ROBO1: variants seen among roughly 807,000 people sequenced by gnomAD.
ROBO1 encodes roundabout guidance receptor 1, also known as roundabout homolog 1.
ROBO1 carries 149 observed loss-of-function variants against 195.9 expected under a neutral mutation model. That is an observed-to-expected ratio of 0.76 (90% CI 0.67 to 0.87). ROBO1 has a LOEUF of 0.87. Ranked by LOEUF, ROBO1 falls within the 40% of genes least tolerant of loss-of-function variation. The probability of loss-of-function intolerance (pLI) is 0.00; values close to 1 mark genes in which losing one functional copy is unlikely to be tolerated. For missense variants in ROBO1, 1,933 were observed against 2,068.3 expected (o/e 0.93, Z 1.27); for synonymous variants, 816 against 733.2 (o/e 1.11, Z -1.82).
chr3:79,514,219 A>C (rs1940846880), intron 2 of ROBO1, among the ~76,000 whole-genome samples: 2 of 152,178 alleles, frequency 1.3e-5, no homozygotes, highest in African/African-American at 4.8e-5. Flanking sequence ...TTTGTTTGGA[A>C]AGCCAGGGGA....
chr3:79,535,840 C>A (rs189713242), intron 2 of ROBO1, among the ~76,000 whole-genome samples: 2 of 152,026 alleles, frequency 1.3e-5, no homozygotes, highest in Admixed American at 6.6e-5. Context: ...CCTCTTCTCT[C>A]GATCCCATTC....
In ROBO1 at chr3:78,771,836, G is replaced by C. The variant is rs76785279; in HGVS notation, c.500-24936C>G. Among the ~76,000 whole-genome samples, 106 of 152,176 alleles carry C rather than the reference G, an allele frequency of 7.0e-4. No individual in the cohort carries two copies. In the East Asian group the frequency reaches 0.019, roughly 28 times the overall value. ...TATGAAATCATATCATCCGTGAAGA[G>C]AGATAGTTTGATGTTTTATTTTCCT... On this transcript the variant is annotated intron_variant, in intron 4 of 30. Coordinates refer to ENST00000464233, the MANE Select transcript of ROBO1 (RefSeq NM_002941.4).
chr3:78,907,645 A>G (rs975603965), intron 4 of ROBO1, among the ~76,000 whole-genome samples: 8 of 152,116 alleles, frequency 5.3e-5, no homozygotes, highest in Non-Finnish European at 8.8e-5. Context: ...CTCATGAGTC[A>G]TAACAGTCTG....
intron 1 of ROBO1, among the ~76,000 whole-genome samples, chr3:79,744,910 T>C (rs1179284598): frequency 6.6e-6 from 1 of 150,942 alleles, no homozygotes; most frequent in Non-Finnish European, 1.5e-5. Context: ...TGGTCAAAAA[T>C]AGAATATATA....
intron 3 of ROBO1, among the ~76,000 whole-genome samples, chr3:79,097,171 A>G (rs1297396764): frequency 1.3e-5 from 2 of 151,802 alleles, no homozygotes; most frequent in African/African-American, 4.8e-5. Context: ...ACATGGAACC[A>G]CTTGTGAACA....
chr3:78,673,533 A>G (rs898551814), intron 10 of ROBO1, among the ~76,000 whole-genome samples: 1 of 136,548 alleles, frequency 7.3e-6, no homozygotes, highest in Non-Finnish European at 1.6e-5. Context: ...ATATAAATAT[A>G]TATATATTAC....
chr3:79,434,903 ATC>A (rs2038827265), intron 2 of ROBO1, among the ~76,000 whole-genome samples: 3 of 152,138 alleles, frequency 2.0e-5, no homozygotes, highest in Non-Finnish European at 4.4e-5. Flanking sequence ...ATGAGTTCAT[ATC>A]CTTTGTAGGG....
intron 2 of ROBO1, among the ~76,000 whole-genome samples, chr3:79,126,139 T>A (rs1379466065): frequency 2.0e-5 from 3 of 152,156 alleles, no homozygotes; most frequent in African/African-American, 7.2e-5. Flanking sequence ...CAATCTCTCA[T>A]CTTAAAGGAC....
At chr3:79,298,750 A>AGG in intron 2 of ROBO1, among the ~76,000 whole-genome samples, 1 of 152,264 alleles carries the variant, frequency 6.6e-6, no homozygotes, top group Middle Eastern at 3.4e-3. Context: ...TCATGTAAAC[A>AGG]GATACTCAAT....
At chr3:79,767,672 C>A (rs1047016297) in intron 1 of ROBO1, 80 bp downstream of exon 1, 2 of 152,252 alleles carry the variant, frequency 1.3e-5, no homozygotes, top group Non-Finnish European at 1.5e-5. Context: ...CCAACAACCA[C>A]TAGTGTAAAA....
chr3:79,526,621 T>A (rs1473495001), intron 2 of ROBO1: 1 of 152,216 alleles, frequency 6.6e-6, no homozygotes, highest in African/African-American at 2.4e-5. Flanking sequence ...ATTTACATCT[T>A]GTAAAGGTGG....
chr3:79,233,915 ATTTGAATTTCTC>A (rs1402775094), intron 2 of ROBO1, among the ~76,000 whole-genome samples: 1 of 151,828 alleles, frequency 6.6e-6, no homozygotes, highest in Non-Finnish European at 1.5e-5. Context: ...TGCCATTTTG[ATTTGAATTTCTC>A]TGATGATTAG....
chr3:79,052,340 C>G lies in ROBO1; in HGVS notation c.172+73116G>C, dbSNP rs370847757. Reference sequence around the variant, plus strand: ...CCAGCCTGGTGAAATTTTAGTCAGACTGGTTGTCTGCTCTTGAACCCTGTT... The same window carrying G: ...CCAGCCTGGTGAAATTTTAGTCAGAGTGGTTGTCTGCTCTTGAACCCTGTT... On this transcript the variant is annotated intron_variant, in intron 3 of 30. Coordinates refer to ENST00000464233, the MANE Select transcript of ROBO1 (RefSeq NM_002941.4). Among the ~76,000 whole-genome samples, 5 of 152,190 alleles carry G rather than the reference C, an allele frequency of 3.3e-5. No individual in the cohort carries two copies. The South Asian group carries it at 6.2e-4, about 19-fold the overall frequency.
intron 3 of ROBO1, among the ~76,000 whole-genome samples, chr3:79,064,502 A>G (rs1037016035): frequency 5.9e-5 from 9 of 151,602 alleles, no homozygotes; most frequent in Non-Finnish European, 2.9e-5. Context: ...CTTGACACAA[A>G]CATCCAGAAA....
intron 2 of ROBO1, among the ~76,000 whole-genome samples, chr3:79,173,620 C>T (rs115070208): frequency 1.3e-5 from 2 of 152,024 alleles, no homozygotes; most frequent in Admixed American, 1.3e-4. Flanking sequence ...TCCATGGGCT[C>T]CGGCTCAGCC....
In ROBO1 at chr3:78,659,754, T is replaced by C. The variant is rs748058544; in HGVS notation, c.2374A>G (p.Thr792Ala). The C allele has an allele frequency of 1.9e-6, 3 of 1,598,722 alleles. No homozygotes were observed. Among genetic ancestry groups the C allele is most frequent in the Admixed American group, 1.7e-5 (1 of 58,218 alleles). ...GGCTGCCAACTAACTAGAATTGCAG[T>C]TCCGTTTCCATCATTCTTGGATACA... ...VTVSKNDGNG[T>A]AILVSWQPPP... Residue 792 changes from threonine to alanine, a missense_variant, in exon 17 of 31, where the codon ACT becomes GCT. Around this residue, in one of 3 missense-constraint regions of ROBO1, gnomAD observed 1,737 missense variants for 1,882.5 expected, o/e 0.92. Coordinates refer to ENST00000464233, the MANE Select transcript of ROBO1 (RefSeq NM_002941.4).
intron 1 of ROBO1, among the ~76,000 whole-genome samples, chr3:79,732,346 AT>A (rs1245982909): frequency 6.7e-6 from 1 of 150,262 alleles, no homozygotes; most frequent in Non-Finnish European, 1.5e-5. Context: ...AATTTACACA[AT>A]TTAAAAAAGA....
intron 2 of ROBO1, among the ~76,000 whole-genome samples, chr3:79,405,469 A>T (rs1270561936): frequency 6.6e-6 from 1 of 152,148 alleles, no homozygotes; most frequent in African/African-American, 2.4e-5. Flanking sequence ...AAATCCTATC[A>T]ACTTGTCATG....
intron 4 of ROBO1, among the ~76,000 whole-genome samples, chr3:78,776,987 T>G (rs1352931564): frequency 1.3e-5 from 2 of 152,204 alleles, no homozygotes; most frequent in Non-Finnish European, 2.9e-5. Context: ...GTTAACAATA[T>G]AGTTGCATGA....
Sources: gnomAD v4.1 joint callset for allele counts (sites outside exome capture counted in the v4.1 genomes callset) on GRCh38, gnomAD v4.1.1 for gene constraint, gnomAD v4.1.1 regional missense constraint, MANE v1.5 for transcripts, NCBI Gene and HGNC (gene_info 2026-07-23, HGNC 2026-07-21) for gene names.